WWOX: variants seen among roughly 807,000 people sequenced by gnomAD.
WWOX encodes WW domain containing oxidoreductase, also known as WW domain-containing oxidoreductase.
WWOX carries 69 observed loss-of-function variants against 46.2 expected under a neutral mutation model. That is an observed-to-expected ratio of 1.49 (90% CI 1.23 to 1.82). The LOEUF (loss-of-function observed/expected upper bound fraction) is 1.82, where lower values mean the gene tolerates loss of function less well. Among genes scored for constraint, WWOX ranks in the 40% most tolerant of loss-of-function variants. The pLI, the probability that WWOX is intolerant of heterozygous loss-of-function variation, is 0.00. For synonymous variants in WWOX, 359 were observed against 202.6 expected (o/e 1.77, Z -6.56); for missense variants, 919 against 542.6 (o/e 1.69, Z -6.89).
chr16:78,665,713 C>T (rs1402170100), intron 8 of WWOX, among the ~76,000 whole-genome samples: 1 of 152,110 alleles, frequency 6.6e-6, no homozygotes, highest in African/African-American at 2.4e-5. Context: ...CTTTAAGATA[C>T]TTGCTCTGTC....
intron 8 of WWOX, among the ~76,000 whole-genome samples, chr16:78,770,132 A>G (rs1442095185): frequency 1.3e-5 from 2 of 152,056 alleles, no homozygotes; most frequent in Admixed American, 1.3e-4. Context: ...TGGGCCAATC[A>G]CTGAGGTCAG....
At chr16:78,515,674 G>T (rs1229144288) in intron 8 of WWOX, among the ~76,000 whole-genome samples, 1 of 152,142 alleles carries the variant, frequency 6.6e-6, no homozygotes, top group Non-Finnish European at 1.5e-5. Context: ...CCTCGCAGCC[G>T]CTCCCTTCCA....
chr16:78,635,555 C>T (rs950221827), intron 8 of WWOX, among the ~76,000 whole-genome samples: 1 of 152,186 alleles, frequency 6.6e-6, no homozygotes, highest in African/African-American at 2.4e-5. Context: ...GTTGCTCATC[C>T]TCTCTGCGCC....
intron 4 of WWOX, among the ~76,000 whole-genome samples, chr16:78,141,861 G>T (rs939664778): frequency 4.6e-5 from 7 of 151,678 alleles, no homozygotes; most frequent in African/African-American, 1.7e-4. Flanking sequence ...GGCAGGTAAT[G>T]GAAAAAAAAT....
intron 8 of WWOX, among the ~76,000 whole-genome samples, chr16:78,467,355 A>G (rs2738673): frequency 0.39 from 58,817 of 151,976 alleles, 14,099 homozygotes; most frequent in African/African-American, 0.68. Flanking sequence ...ATTTTAAGGA[A>G]AGAATTATAA....
intron 6 of WWOX, among the ~76,000 whole-genome samples, chr16:78,406,334 A>ATATATATATATATATT (rs2082540275): frequency 1.1e-5 from 1 of 87,066 alleles, no homozygotes; most frequent in Non-Finnish European, 1.9e-5. Flanking sequence ...ATATATATAT[A>ATATATATATATATATT]TATATATATA....
intron 8 of WWOX, among the ~76,000 whole-genome samples, chr16:78,961,104 C>T (rs1324055403): frequency 2.6e-5 from 4 of 152,092 alleles, no homozygotes; most frequent in African/African-American, 9.7e-5. Flanking sequence ...GGTGCAAGTT[C>T]CCCTGAAAGA....
At chr16:79,008,579 A>C (rs1210711571) in intron 8 of WWOX, among the ~76,000 whole-genome samples, 1 of 152,200 alleles carries the variant, frequency 6.6e-6, no homozygotes, top group Non-Finnish European at 1.5e-5. Context: ...CCCATTTCAC[A>C]GATGTTGAAA....
At chr16:78,918,496 G>C (rs914837167) in intron 8 of WWOX, among the ~76,000 whole-genome samples, 4 of 152,076 alleles carry the variant, frequency 2.6e-5, no homozygotes, top group African/African-American at 9.7e-5. Flanking sequence ...TTTTGTCTCT[G>C]TAATGAATGT....
At chr16:78,520,848 G>A (rs568804503) in intron 8 of WWOX, among the ~76,000 whole-genome samples, 22 of 152,240 alleles carry the variant, frequency 1.4e-4, no homozygotes, top group African/African-American at 5.1e-4. Flanking sequence ...GCTCAGGGGA[G>A]CCTTGGTTGT....
chr16:78,910,446 T>A (rs78328675), intron 8 of WWOX, among the ~76,000 whole-genome samples: 1,620 of 152,100 alleles, frequency 0.011, 70 homozygotes, highest in Admixed American at 0.08. Flanking sequence ...AGGAGAACCT[T>A]GTTCATCCGT....
intron 8 of WWOX, among the ~76,000 whole-genome samples, chr16:79,137,212 A>G (rs1312160043): frequency 6.6e-6 from 1 of 152,192 alleles, no homozygotes; most frequent in Non-Finnish European, 1.5e-5. Flanking sequence ...TATGCATGCC[A>G]TACCCATGCT....
chr16:78,844,997 T>C (rs1295327443), intron 8 of WWOX, among the ~76,000 whole-genome samples: 2 of 152,228 alleles, frequency 1.3e-5, no homozygotes, highest in African/African-American at 4.8e-5. Flanking sequence ...CCTGAAAGGC[T>C]GTCTCCAACC....
intron 8 of WWOX, among the ~76,000 whole-genome samples, chr16:78,540,015 C>CTT (rs1567631021): frequency 3.8e-5 from 5 of 130,870 alleles, no homozygotes; most frequent in Non-Finnish European, 8.3e-5. Flanking sequence ...CTCTCTCTCT[C>CTT]TCTCTCACAC....
At chr16:78,592,452 G>C (rs569038662) in intron 8 of WWOX, among the ~76,000 whole-genome samples, 68 of 152,298 alleles carry the variant, frequency 4.5e-4, no homozygotes, top group African/African-American at 1.4e-3. Flanking sequence ...AGTGTGATGA[G>C]AATGGAAACA....
chr16:78,861,196 T>C (rs1170975705), intron 8 of WWOX, among the ~76,000 whole-genome samples: 1 of 152,136 alleles, frequency 6.6e-6, no homozygotes, highest in East Asian at 1.9e-4. Context: ...CCTTTTTTCC[T>C]TCTCTGTTGA....
intron 8 of WWOX, among the ~76,000 whole-genome samples, chr16:78,449,228 G>A (rs936439674): frequency 4.6e-5 from 7 of 152,148 alleles, no homozygotes; most frequent in Admixed American, 3.9e-4. Flanking sequence ...TGGCTTTATC[G>A]AAGCATGTAA....
chr16:79,156,450 C>G (rs977007632), intron 8 of WWOX, among the ~76,000 whole-genome samples: 1 of 152,142 alleles, frequency 6.6e-6, no homozygotes, highest in Admixed American at 6.5e-5. Context: ...CGTGAGCCAC[C>G]GCTCCCAGCA....
rs758568938 is a variant in WWOX at position 79,211,905 on chromosome 16, G to A, written c.*109G>A. 4 of 1,554,828 alleles carry A rather than the reference G, an allele frequency of 2.6e-6. No homozygotes were observed. The South Asian group carries it at 4.7e-5, about 18-fold the overall frequency. ...GTCCCTCCAACACAGATCCGCAAGA[G>A]TAAAGGAAATAAGAGCAGTCACAAC... On this transcript the variant is annotated 3_prime_UTR_variant, in exon 9 of 9. Coordinates refer to ENST00000566780, the MANE Select transcript of WWOX (RefSeq NM_016373.4).
Sources: allele counts gnomAD v4.1 joint callset (sites outside exome capture counted in the v4.1 genomes callset), GRCh38; gene constraint gnomAD v4.1.1; transcripts MANE v1.5; gene names NCBI Gene and HGNC (gene_info 2026-07-23, HGNC 2026-07-21).